LRRC7: variants seen among roughly 807,000 people sequenced by gnomAD.
The protein encoded by LRRC7 is leucine-rich repeat-containing protein 7.
Under a neutral mutation model 175.7 loss-of-function variants are expected in LRRC7, and 23 were observed. The observed-to-expected ratio is 0.13, with a 90% confidence interval of 0.09 to 0.19. The LOEUF is 0.19. Among genes scored for constraint, LRRC7 ranks in the 10% least tolerant of loss-of-function variants. The pLI, the probability that LRRC7 is intolerant of heterozygous loss-of-function variation, is 1.00. For missense variants in LRRC7, 1,354 were observed against 1,904.7 expected (o/e 0.71, Z 5.38); for synonymous variants, 685 against 680.9 (o/e 1.01, Z -0.09).
chr1:69,789,341 C>A (rs896810563), intron 3 of LRRC7, among the ~76,000 whole-genome samples: 1 of 136,312 alleles, frequency 7.3e-6, no homozygotes, highest in Non-Finnish European at 1.6e-5. Flanking sequence ...TAATTCAATT[C>A]AAGTCTTTGA....
intron 24 of LRRC7, among the ~76,000 whole-genome samples, chr1:70,082,200 G>C (rs1663257342): frequency 1.3e-5 from 2 of 152,106 alleles, no homozygotes; most frequent in East Asian, 1.9e-4. Context: ...AGTGGTGTAA[G>C]AAGAAACATT....
At chr1:69,712,104 G>C (rs751024090) in intron 2 of LRRC7, among the ~76,000 whole-genome samples, 1 of 152,000 alleles carries the variant, frequency 6.6e-6, no homozygotes, top group Non-Finnish European at 1.5e-5. Flanking sequence ...CCTTTCAAAA[G>C]GCTTTCAAAC....
At position 70,138,626 on chromosome 1, in the gene LRRC7, T is replaced by C. The variant is rs901518892; in HGVS notation, c.*16739T>C. ...ATTAATCAAATTGTTTCAAAATTTT[T>C]AAGGAGCCAAATTTAAATTCTCAAT... On this transcript the variant is annotated 3_prime_UTR_variant, in exon 27 of 27. Coordinates refer to ENST00000651989, the MANE Select transcript of LRRC7 (RefSeq NM_001370785.2). The C allele has an allele frequency of 2.0e-5, 3 of 152,232 alleles. No homozygotes were observed. The highest frequency in any genetic ancestry group is 7.2e-5 in the African/African-American group (3 of 41,464). 9.4% of individuals were successfully genotyped at this position (152,232 alleles called of 1,614,324 possible).
At chr1:69,891,803 A>C (rs918007631) in intron 7 of LRRC7, among the ~76,000 whole-genome samples, 2 of 151,908 alleles carry the variant, frequency 1.3e-5, no homozygotes, top group African/African-American at 4.8e-5. Flanking sequence ...GTTTAATATT[A>C]CCAAAAGTGA....
chr1:69,864,281 A>G (rs770662717), intron 7 of LRRC7, among the ~76,000 whole-genome samples: 14 of 152,206 alleles, frequency 9.2e-5, no homozygotes, highest in Non-Finnish European at 1.8e-4. Flanking sequence ...AATGTCTTTT[A>G]TATTTCTATC....
chr1:69,651,064 C>T (rs922237684), intron 1 of LRRC7, among the ~76,000 whole-genome samples: 3 of 152,056 alleles, frequency 2.0e-5, no homozygotes, highest in East Asian at 1.9e-4. Context: ...AAATAAGTGA[C>T]GAATGTCAAC....
intron 2 of LRRC7, among the ~76,000 whole-genome samples, chr1:69,707,017 G>T (rs933966275): frequency 6.6e-6 from 1 of 152,100 alleles, no homozygotes; most frequent in African/African-American, 2.4e-5. Context: ...TTGTGATAAG[G>T]AATCAGAAGG....
At chr1:69,950,790 C>G (rs537862704) in intron 8 of LRRC7, among the ~76,000 whole-genome samples, 1 of 151,964 alleles carries the variant, frequency 6.6e-6, no homozygotes, top group South Asian at 2.1e-4. Flanking sequence ...AAATAAAGAA[C>G]TGAAAGAACA....
At chr1:69,997,333 A>T (rs1655083449) in intron 11 of LRRC7, among the ~76,000 whole-genome samples, 1 of 151,956 alleles carries the variant, frequency 6.6e-6, no homozygotes, top group Admixed American at 6.6e-5. Context: ...ATATACAATC[A>T]TGTCATCTGC....
rs150714564 is a variant in LRRC7 at position 69,942,393 on chromosome 1, G to A, written c.711+10823G>A. 1.8e-3 allele frequency among the ~76,000 whole-genome samples: 272 copies of A among 152,108 alleles called. 1 individual carries two copies. The highest frequency in any genetic ancestry group is 6.5e-3 in the Admixed American group (99 of 15,246). On this transcript the variant is annotated intron_variant, in intron 8 of 26. Transcript: ENST00000651989. ...ATCTTACTTTTATCCAGAATTCCAG[G>A]CCTACATATATACCTGTGTTACTTT...
intron 7 of LRRC7, among the ~76,000 whole-genome samples, chr1:69,876,015 T>A (rs913264123): frequency 6.6e-6 from 1 of 152,172 alleles, no homozygotes; most frequent in Non-Finnish European, 1.5e-5. Context: ...TGGGGCATGA[T>A]GTGAACAACA....
intron 1 of LRRC7, among the ~76,000 whole-genome samples, chr1:69,646,629 G>C (rs971238215): frequency 3.3e-5 from 5 of 152,094 alleles, no homozygotes; most frequent in Non-Finnish European, 7.4e-5. Flanking sequence ...TTAAAGACAG[G>C]AATGTTGGTC....
chr1:70,000,119 A>G lies in LRRC7; in HGVS notation c.1004+5486A>G, dbSNP rs74822341. 4.8e-3 allele frequency among the ~76,000 whole-genome samples: 730 copies of G among 152,314 alleles called. 6 individuals are homozygous for G. Among genetic ancestry groups the G allele is most frequent in the African/African-American group, 0.016 (661 of 41,582 alleles). On this transcript the variant is annotated intron_variant, in intron 11 of 26. Transcript: ENST00000651989. ...CTTTCCTACTAATTACTGGGGAAAC[A>G]TTGCCAGAATATAACAAAAAATTCA... is the stretch of plus-strand genomic sequence containing the variant.
At chr1:69,934,496 G>C (rs867217150) in intron 8 of LRRC7, among the ~76,000 whole-genome samples, 7,514 of 76,424 alleles carry the variant, frequency 0.098, 228 homozygotes, top group Non-Finnish European at 0.14. Context: ...TATTTTGGCG[G>C]GGGGGGGGCG....
intron 8 of LRRC7, among the ~76,000 whole-genome samples, chr1:69,965,899 TAA>T (rs1333120190): frequency 6.6e-6 from 1 of 152,096 alleles, no homozygotes; most frequent in Non-Finnish European, 1.5e-5. Flanking sequence ...AATTCATGAA[TAA>T]AAGATTTCCC....
In LRRC7 at chr1:70,143,168, CGCT is replaced by C. The variant is rs548822333; in HGVS notation, c.*21282_*21284del. The C allele has an allele frequency of 6.4e-4, 94 of 147,740 alleles. 2 individuals carry two copies. The South Asian group carries it at 0.019, about 31-fold the overall frequency. 9.2% of individuals were successfully genotyped at this position (147,740 alleles called of 1,614,324 possible). A position where few individuals can be genotyped will look rare whatever the true frequency, so the allele number is the denominator to read the frequency against. The stretch of plus-strand genomic sequence containing the variant: ...CCTAAGCAGTGATACAACTTTGGGT[CGCT>C]ATTTTAGTAAAATGAAGAGTCTCTA... On this transcript the variant is annotated 3_prime_UTR_variant, in exon 27 of 27. Transcript: ENST00000651989.
intron 8 of LRRC7, among the ~76,000 whole-genome samples, chr1:69,967,711 T>C (rs1651800841): frequency 6.6e-6 from 1 of 152,022 alleles, no homozygotes; most frequent in Admixed American, 6.5e-5. Flanking sequence ...ATAACAATCC[T>C]ACAGCTCAGC....
intron 7 of LRRC7, among the ~76,000 whole-genome samples, chr1:69,890,208 G>A (rs1029749860): frequency 1.8e-4 from 27 of 152,168 alleles, no homozygotes; most frequent in African/African-American, 6.5e-4. Flanking sequence ...TCTACAAAAT[G>A]TATTTCTTAA....
intron 4 of LRRC7, among the ~76,000 whole-genome samples, chr1:69,803,927 C>A (rs1676815734): frequency 6.6e-6 from 1 of 151,384 alleles, no homozygotes; most frequent in Admixed American, 6.6e-5. Flanking sequence ...AGAGGTTTTT[C>A]TACTTTATTA....
Sources: allele counts gnomAD v4.1 joint callset (sites outside exome capture counted in the v4.1 genomes callset), GRCh38; gene constraint gnomAD v4.1.1; transcripts MANE v1.5; gene names NCBI Gene and HGNC (gene_info 2026-07-23, HGNC 2026-07-21).